The following ADI1 variants were observed in gnomAD, a reference collection of about 807,000 sequenced individuals.
ADI1 encodes acireductone dioxygenase.
ADI1 carries 21 observed loss-of-function variants against 18.7 expected under a neutral mutation model. That is an observed-to-expected ratio of 1.13 (90% CI 0.80 to 1.62). The LOEUF is 1.62. Ranked by LOEUF, ADI1 falls within the 40% of genes most tolerant of loss-of-function variation. The probability of loss-of-function intolerance (pLI) is 0.00; values close to 1 mark genes in which losing one functional copy is unlikely to be tolerated. For synonymous variants in ADI1, 90 were observed against 100.1 expected, an observed-to-expected ratio of 0.90 and a Z score of 0.60; for missense variants, 245 against 254.9, an observed-to-expected ratio of 0.96 and a Z score of 0.26.
At position 3,518,029 on chromosome 2, in the gene ADI1, C is replaced by T. The variant is rs1051372172; in HGVS notation, c.120+1339G>A. Among the ~76,000 whole-genome samples the T allele has an allele frequency of 1.9e-4, 29 of 152,122 alleles. 3 individuals are homozygous for T. The highest frequency in any genetic ancestry group is 1.5e-5 in the Non-Finnish European group (1 of 68,036). On this transcript the variant is annotated intron_variant, in intron 1 of 3. Coordinates refer to ENST00000327435, the MANE Select transcript of ADI1 (RefSeq NM_018269.4). Reference sequence around the variant, plus strand: ...CTCCCCAAGTGTATTAATTTGAACCCTCTGGTTGTTTGGATTGTGGATAAA... The same window carrying T: ...CTCCCCAAGTGTATTAATTTGAACCTTCTGGTTGTTTGGATTGTGGATAAA...
At chr2:3,503,230 T>G (rs1224482571) in intron 2 of ADI1, among the ~76,000 whole-genome samples, 4 of 46,648 alleles carry the variant, frequency 8.6e-5, no homozygotes, top group Admixed American at 7.3e-4. Context: ...CACGTAACAC[T>G]CTCTCATGTG....
At chr2:3,514,863 C>A (rs562652183) in intron 1 of ADI1, 5 of 1,548,064 alleles carry the variant, frequency 3.2e-6, no homozygotes, top group Non-Finnish European at 3.5e-6. Context: ...GAGGGACCGG[C>A]TGGAGCCATG....
chr2:3,501,637 G>A (rs905757827), intron 2 of ADI1, among the ~76,000 whole-genome samples: 4 of 151,972 alleles, frequency 2.6e-5, no homozygotes, highest in Non-Finnish European at 5.9e-5. Flanking sequence ...CGATTCAAGC[G>A]ATTCTCGTGC....
Position 3,498,252 on chromosome 2 carries a change from G to A in ADI1, c.*711C>T, listed in dbSNP as rs566833739. ...CGGAATTGTTGAGTAGAAAATTTAT[G>A]TACTAATACTCCTGTTAAAATTCAA... On this transcript the variant is annotated 3_prime_UTR_variant, in exon 4 of 4. Transcript: ENST00000327435. 6.6e-6 allele frequency: 1 copy of A among 152,232 alleles called. No individual in the cohort carries two copies. Among genetic ancestry groups the A allele is most frequent in the African/African-American group, 2.4e-5 (1 of 41,550 alleles). 9.4% of individuals were successfully genotyped at this position (152,232 alleles called of 1,614,324 possible).
intron 2 of ADI1, among the ~76,000 whole-genome samples, chr2:3,513,626 C>T (rs1667338565): frequency 6.6e-6 from 1 of 152,132 alleles, no homozygotes; most frequent in East Asian, 1.9e-4. Context: ...TTCCTGAGGC[C>T]TCCCCAGAAG....
intron 2 of ADI1, among the ~76,000 whole-genome samples, chr2:3,508,864 A>G (rs1246117136): frequency 6.6e-6 from 1 of 151,770 alleles, no homozygotes. Context: ...TGATGGCACC[A>G]CTGCATTTCA....
At chr2:3,500,647 G>A (rs776773779) in intron 3 of ADI1, 167 bp downstream of exon 3, 9 of 887,638 alleles carry the variant, frequency 1.0e-5, no homozygotes, top group South Asian at 9.5e-5. Flanking sequence ...CTGTCACCTC[G>A]GACATCGCCT....
chr2:3,513,827 T>A (rs770152409), intron 2 of ADI1, 30 bp downstream of exon 2: 1 of 1,575,346 alleles, frequency 6.3e-7, no homozygotes, highest in South Asian at 1.2e-5. Flanking sequence ...TAATGATACT[T>A]CTTTTCCAGG....
chr2:3,509,567 A>G (rs1353542988), intron 2 of ADI1, among the ~76,000 whole-genome samples: 1 of 152,224 alleles, frequency 6.6e-6, no homozygotes, highest in Non-Finnish European at 1.5e-5. Context: ...ATCTAAAAAC[A>G]AAACAAAACA....
chr2:3,506,214 T>C (rs1248877746), intron 2 of ADI1, among the ~76,000 whole-genome samples: 1 of 152,144 alleles, frequency 6.6e-6, no homozygotes, highest in Non-Finnish European at 1.5e-5. Flanking sequence ...TAATGCAATA[T>C]GAAGAAATAT....
chr2:3,503,483 T>TCA (rs368800390), intron 2 of ADI1, among the ~76,000 whole-genome samples: 2,489 of 48,596 alleles, frequency 0.051, 829 homozygotes, highest in African/African-American at 0.23. Context: ...GCATTCACAC[T>TCA]CATGCACACG....
At chr2:3,505,224 C>T (rs1667150649) in intron 2 of ADI1, among the ~76,000 whole-genome samples, 1 of 152,174 alleles carries the variant, frequency 6.6e-6, no homozygotes, top group African/African-American at 2.4e-5. Flanking sequence ...ACTGAAAAAC[C>T]AACTCTTTTT....
intron 2 of ADI1, among the ~76,000 whole-genome samples, chr2:3,505,677 A>G (rs926836800): frequency 1.3e-5 from 2 of 152,144 alleles, no homozygotes; most frequent in African/African-American, 4.8e-5. Flanking sequence ...GGGAAACACG[A>G]AACTCCAGCC....
chr2:3,513,497 A>G (rs1342840890), intron 2 of ADI1, among the ~76,000 whole-genome samples: 1 of 152,176 alleles, frequency 6.6e-6, no homozygotes, highest in Admixed American at 6.5e-5. Flanking sequence ...TCCTCACTAC[A>G]GTGAGTAACT....
At chr2:3,500,524 CCT>C in intron 3 of ADI1, 1 of 182,196 alleles carries the variant, frequency 5.5e-6, no homozygotes, top group East Asian at 1.2e-4. Flanking sequence ...TGGGTGTGTA[CCT>C]GCCGCCGCAT....
At chr2:3,518,055 CATA>C (rs979089350) in intron 1 of ADI1, among the ~76,000 whole-genome samples, 4 of 152,174 alleles carry the variant, frequency 2.6e-5, no homozygotes, top group Admixed American at 1.3e-4. Flanking sequence ...TGTGGATAAA[CATA>C]ATAAGTCAAA....
At position 3,497,943 on chromosome 2, in the gene ADI1, T is replaced by G. The variant is rs1019965906; in HGVS notation, c.*1020A>C. The G allele has an allele frequency of 1.3e-5, 2 of 152,196 alleles. No homozygotes were observed. Among genetic ancestry groups the G allele is most frequent in the African/African-American group, 4.8e-5 (2 of 41,454 alleles). The allele number at this position is 152,196 out of a possible 1,614,324, so 9.4% of individuals were successfully genotyped here. A position where few individuals can be genotyped will look rare whatever the true frequency, so the allele number is the denominator to read the frequency against. ...ATCAGTAGATCAGCACTTATTTTAA[T>G]TACTGAGATAGAGTCACACTTGACA... On this transcript the variant is annotated 3_prime_UTR_variant, in exon 4 of 4. Transcript: ENST00000327435.
chr2:3,512,042 A>T (rs1311099380), intron 2 of ADI1, among the ~76,000 whole-genome samples: 1 of 152,258 alleles, frequency 6.6e-6, no homozygotes, highest in East Asian at 1.9e-4. Context: ...GCCTATGCGC[A>T]GATGCAAGGG....
intron 2 of ADI1, among the ~76,000 whole-genome samples, chr2:3,505,055 T>TATTGTTGGTTCACCTGTGTATGTCTGC (rs1288282605): frequency 4.6e-5 from 7 of 152,224 alleles, no homozygotes; most frequent in African/African-American, 1.7e-4. Context: ...CCTATGTTTG[T>TATTGTTGGTTCACCTGTGTATGTCTGC]ATTGTTGGTT....
Sources: allele counts gnomAD v4.1 joint callset (sites outside exome capture counted in the v4.1 genomes callset), GRCh38; gene constraint gnomAD v4.1.1; transcripts MANE v1.5; gene names NCBI Gene and HGNC (gene_info 2026-07-23, HGNC 2026-07-21).